RSPH14: variants seen among roughly 807,000 people sequenced by gnomAD.
RSPH14 encodes radial spoke head 14 homolog, also known as rhabdoid tumor deletion region gene 1.
In RSPH14, 20 loss-of-function variants were observed where a neutral mutation model predicts 26.7. That is an observed-to-expected ratio of 0.75 (90% CI 0.53 to 1.09). The LOEUF (loss-of-function observed/expected upper bound fraction) is 1.09. RSPH14 is among the 50% of genes least tolerant of loss of function. The pLI is 0.00. For synonymous variants in RSPH14, 177 were observed against 189.3 expected (o/e 0.93, Z 0.53); for missense variants, 449 against 457.2 (o/e 0.98, Z 0.16).
At chr22:23,115,307 C>T (rs1372422893) in intron 4 of RSPH14, among the ~76,000 whole-genome samples, 4 of 152,186 alleles carry the variant, frequency 2.6e-5, no homozygotes, top group African/African-American at 9.7e-5. Context: ...TACGTTCAGC[C>T]TGAGTAGGTG....
intron 4 of RSPH14, among the ~76,000 whole-genome samples, chr22:23,099,952 T>C (rs1168466615): frequency 6.6e-6 from 1 of 152,190 alleles, no homozygotes; most frequent in African/African-American, 2.4e-5. Context: ...GGCCACCAAA[T>C]GGTGTGGGAT....
chr22:23,159,237 A>G, the RSPH14 span: 1 of 1,596,790 alleles, frequency 6.3e-7, no homozygotes, highest in Non-Finnish European at 8.5e-7. Context: ...AGTACTGGTC[A>G]GTGTCGGCCA....
At chr22:23,095,586 G>A in intron 4 of RSPH14, 1 of 1,248,310 alleles carries the variant, frequency 8.0e-7, no homozygotes, top group Non-Finnish European at 1.1e-6. Context: ...CTGGCACTGA[G>A]TGCCTCCAGG....
chr22:23,082,242 A>C (rs1273011164), intron 4 of RSPH14, among the ~76,000 whole-genome samples: 1 of 150,454 alleles, frequency 6.6e-6, no homozygotes, highest in Non-Finnish European at 1.5e-5. Flanking sequence ...ATTTGTTTTG[A>C]GTCTCGCCCT....
chr22:23,061,358 C>T (rs2068088513), intron 6 of RSPH14, among the ~76,000 whole-genome samples: 1 of 152,086 alleles, frequency 6.6e-6, no homozygotes. Flanking sequence ...AGGTAGGGGG[C>T]TCGGGGGAGA....
chr22:23,098,278 TC>T (rs1265737792), intron 4 of RSPH14, among the ~76,000 whole-genome samples: 1 of 152,212 alleles, frequency 6.6e-6, no homozygotes, highest in Non-Finnish European at 1.5e-5. Context: ...CCTGCCCTTA[TC>T]CTCCAGGTCT....
At chr22:23,154,110 C>T in the RSPH14 span, among the ~76,000 whole-genome samples, 1 of 152,108 alleles carries the variant, frequency 6.6e-6, no homozygotes, top group Non-Finnish European at 1.5e-5. Flanking sequence ...ACCCCTTACC[C>T]TCTCCCACCC....
chr22:23,062,157 A>G (rs1203096095), intron 5 of RSPH14, among the ~76,000 whole-genome samples: 2 of 152,186 alleles, frequency 1.3e-5, no homozygotes, highest in Non-Finnish European at 2.9e-5. Flanking sequence ...GCCAGTGAAG[A>G]CCACGGGGTG....
At position 23,079,562 on chromosome 22, in the gene RSPH14, G is replaced by A. The variant is rs574181906; in HGVS notation, c.422-15429C>T. 8.5e-5 allele frequency among the ~76,000 whole-genome samples: 13 copies of A among 152,272 alleles called. No individual in the cohort carries two copies. The South Asian group carries it at 1.2e-3, about 15-fold the overall frequency. On this transcript the variant is annotated intron_variant, in intron 4 of 6. Coordinates refer to ENST00000216036, the MANE Select transcript of RSPH14 (RefSeq NM_014433.3). ...CGGGGTCTGCCCATGTCAAGCAAGC[G>A]TCGGGAGCAAACATGAGAAGGTTTC...
the RSPH14 span, chr22:23,163,231 TTA>T: frequency 1.3e-5 from 2 of 152,238 alleles, no homozygotes; most frequent in Admixed American, 6.5e-5. Context: ...TTATTCATTT[TTA>T]TGTTTTCTTT....
At chr22:23,096,449 G>A in intron 4 of RSPH14, 3 of 1,570,732 alleles carry the variant, frequency 1.9e-6, no homozygotes, top group Non-Finnish European at 2.6e-6. Flanking sequence ...TCCTCTGCTT[G>A]TTCCTGCTGT....
the RSPH14 span, among the ~76,000 whole-genome samples, chr22:23,177,763 T>C: frequency 6.6e-6 from 1 of 152,266 alleles, no homozygotes; most frequent in Admixed American, 6.5e-5. Flanking sequence ...CCATTTGCTA[T>C]GCCAAGAGAA....
At chr22:23,101,880 G>T (rs739362) in intron 4 of RSPH14, among the ~76,000 whole-genome samples, 3 of 152,178 alleles carry the variant, frequency 2.0e-5, no homozygotes, top group African/African-American at 7.2e-5. Flanking sequence ...ATGGCACCTC[G>T]CATGGCAGGC....
chr22:23,129,150 TG>T (rs1200554402), intron 4 of RSPH14, among the ~76,000 whole-genome samples: 1 of 151,912 alleles, frequency 6.6e-6, no homozygotes, highest in African/African-American at 2.4e-5. Flanking sequence ...GGACACCACC[TG>T]GGGCACAGTC....
At chr22:23,152,553 C>T in the RSPH14 span, 49 of 1,605,530 alleles carry the variant, frequency 3.1e-5, no homozygotes, top group East Asian at 1.0e-3. Flanking sequence ...GCCCCTTTGG[C>T]CACCTCCCCC....
chr22:23,131,534 A>AT, intron 4 of RSPH14: 1 of 1,034,774 alleles, frequency 9.7e-7, no homozygotes, highest in Non-Finnish European at 1.3e-6. Flanking sequence ...GTGGTATCCA[A>AT]TGTTCCTTAT....
the RSPH14 span, chr22:23,162,689 T>C: frequency 2.2e-6 from 1 of 456,296 alleles, no homozygotes; most frequent in East Asian, 6.9e-5. Context: ...GTCACCTGGC[T>C]ATGCCCACTC....
the RSPH14 span, among the ~76,000 whole-genome samples, chr22:23,178,235 T>G: frequency 2.0e-5 from 3 of 152,078 alleles, no homozygotes; most frequent in Non-Finnish European, 2.9e-5. Context: ...GCCAACACAG[T>G]GAAACCCCGT....
At chr22:23,096,623 T>C (rs1221337731) in intron 4 of RSPH14, among the ~76,000 whole-genome samples, 1 of 152,056 alleles carries the variant, frequency 6.6e-6, no homozygotes, top group Non-Finnish European at 1.5e-5. Context: ...GTCCCATGCC[T>C]GAAGTACTCA....
Sources: allele counts gnomAD v4.1 joint callset (sites outside exome capture counted in the v4.1 genomes callset), GRCh38; gene constraint gnomAD v4.1.1; transcripts MANE v1.5; gene names NCBI Gene and HGNC (gene_info 2026-07-23, HGNC 2026-07-21).